Variants in ALLC observed in about 807,000 individuals in gnomAD.
ALLC encodes allantoicase.
Under a neutral mutation model 45.0 loss-of-function variants are expected in ALLC, and 40 were observed. The ratio of observed to expected loss-of-function variants is 0.89; its 90% CI spans 0.69 to 1.16. The LOEUF is 1.16. Ranked by LOEUF, ALLC falls within the 50% of genes most tolerant of loss-of-function variation. The pLI is 0.00. For synonymous variants in ALLC, 176 were observed against 178.1 expected (o/e 0.99, Z 0.09); for missense variants, 488 against 493.1 (o/e 0.99, Z 0.10).
At chr2:3,664,458 T>G (rs10469833) in intron 1 of ALLC, among the ~76,000 whole-genome samples, 8,281 of 152,232 alleles carry the variant, frequency 0.054, 355 homozygotes, top group East Asian at 0.21. Flanking sequence ...AAAGGTATCT[T>G]TACAACTCCT....
chr2:3,660,414 A>G (rs1666543588), intron 1 of ALLC, among the ~76,000 whole-genome samples: 1 of 152,138 alleles, frequency 6.6e-6, no homozygotes, highest in East Asian at 1.9e-4. Flanking sequence ...ACAGCGACAC[A>G]AATAGGCTAA....
At chr2:3,681,738 G>C (rs1226749119) in intron 6 of ALLC, 25 bp downstream of exon 6, 4 of 1,568,324 alleles carry the variant, frequency 2.6e-6, no homozygotes, top group Non-Finnish European at 3.5e-6. Flanking sequence ...AATGAATTGG[G>C]TCTTGTCACC....
At chr2:3,662,387 TTCTTTG>T (rs1377071187) in intron 1 of ALLC, among the ~76,000 whole-genome samples, 1 of 152,150 alleles carries the variant, frequency 6.6e-6, no homozygotes, top group Non-Finnish European at 1.5e-5. Flanking sequence ...CCGCAGGCAG[TTCTTTG>T]TAATTAGCAC....
At chr2:3,677,865 G>A (rs1038914299) in intron 3 of ALLC, among the ~76,000 whole-genome samples, 3 of 152,212 alleles carry the variant, frequency 2.0e-5, no homozygotes, top group Non-Finnish European at 4.4e-5. Flanking sequence ...GAGCATCCAC[G>A]CTATTTGAGG....
rs13426642 is a variant in ALLC at position 3,681,664 on chromosome 2, C to G, written c.329C>G (p.Thr110Ser). ...DKLPEIPERG[T>S]RTGAAATPEE... ...CTACCAGAAATCCCAGAAAGAGGAACCAGGACAGGAGCTGCAGCCACTCCT... is the reference window on the plus strand; with the variant it reads ...CTACCAGAAATCCCAGAAAGAGGAAGCAGGACAGGAGCTGCAGCCACTCCT... The change falls in exon 6 of 12, where the codon ACC (threonine) becomes AGC (serine). Residue 110 changes from threonine (T) to serine (S), a missense_variant. Physicochemically the swap from Thr to Ser is moderately conservative, Grantham distance 58 (BLOSUM62 1). Transcript: ENST00000252505. The G allele has an allele frequency of 6.2e-7, 1 of 1,609,396 alleles. No homozygotes were observed. Among genetic ancestry groups the G allele is most frequent in the Non-Finnish European group, 8.5e-7 (1 of 1,177,550 alleles).
upstream of ALLC, among the ~76,000 whole-genome samples, chr2:3,654,403 C>CT (rs1186014099): frequency 6.6e-6 from 1 of 152,226 alleles, no homozygotes; most frequent in African/African-American, 2.4e-5. Flanking sequence ...TCTGTAAGGC[C>CT]CTGCTGGTTG....
chr2:3,655,889 T>C (rs750102852), upstream of ALLC, among the ~76,000 whole-genome samples: 7 of 151,940 alleles, frequency 4.6e-5, no homozygotes, highest in Non-Finnish European at 8.8e-5. Flanking sequence ...GTGCTTCTGC[T>C]GGAGCCCCTA....
At chr2:3,660,852 G>A (rs1267538977) in intron 1 of ALLC, among the ~76,000 whole-genome samples, 1 of 152,042 alleles carries the variant, frequency 6.6e-6, no homozygotes, top group Non-Finnish European at 1.5e-5. Context: ...CAGGTGATCG[G>A]AATGAGTCAG....
intron 3 of ALLC, among the ~76,000 whole-genome samples, chr2:3,675,387 CAAAA>C (rs11379495): frequency 3.6e-5 from 4 of 109,688 alleles, no homozygotes; most frequent in Admixed American, 2.8e-4. Flanking sequence ...AAGACCCTGT[CAAAA>C]AAAAAAAAAA....
At chr2:3,655,951 G>A (rs1034272190), upstream of ALLC, among the ~76,000 whole-genome samples, 7 of 152,224 alleles carry the variant, frequency 4.6e-5, no homozygotes, top group Admixed American at 1.3e-4. Context: ...TGCCCGCTCC[G>A]GTGGGGGATG....
chr2:3,688,221 G>T, intron 7 of ALLC: 1 of 169,942 alleles, frequency 5.9e-6, no homozygotes. Context: ...CTTTTTGATG[G>T]TGTCATATTT....
intron 7 of ALLC, among the ~76,000 whole-genome samples, chr2:3,685,012 C>T (rs545939431): frequency 7.4e-4 from 112 of 152,244 alleles, no homozygotes; most frequent in Non-Finnish European, 1.2e-3. Context: ...TAAACAGTGT[C>T]ACAGTAAACT....
chr2:3,695,893 C>T (rs1309083140), intron 8 of ALLC, 21 bp downstream of exon 8: 6 of 1,585,264 alleles, frequency 3.8e-6, no homozygotes, highest in Non-Finnish European at 5.1e-6. Flanking sequence ...ATTCTTGGAG[C>T]TGGCTTATTT....
the ALLC span, among the ~76,000 whole-genome samples, chr2:3,647,729 T>C: frequency 6.6e-6 from 1 of 151,630 alleles, no homozygotes; most frequent in East Asian, 1.9e-4. Context: ...TGGGGGTAAC[T>C]CACACATCCT....
chr2:3,648,783 G>A, the ALLC span, among the ~76,000 whole-genome samples: 4 of 152,190 alleles, frequency 2.6e-5, no homozygotes, highest in African/African-American at 4.8e-5. Flanking sequence ...CGCATCACAC[G>A]ACCCGCTGTG....
rs1225750194 is a variant in ALLC at position 3,682,956 on chromosome 2, C to G, written c.393C>G (p.Asp131Glu). The G allele has an allele frequency of 6.2e-7, 1 of 1,612,392 alleles. No homozygotes were observed. The highest frequency in any genetic ancestry group is 1.3e-5 in the African/African-American group (1 of 74,812). Residue 131 changes from aspartate to glutamate, a missense_variant, in exon 7 of 12, where the codon GAC (aspartate) becomes GAG (glutamate). By Grantham distance (45) the Asp-to-Glu change is conservative. Coordinates refer to ENST00000252505, the MANE Select transcript of ALLC (RefSeq NM_018436.4). ...TTTATTGCTAGCTAAAATCCGACGA[C>G]TGGAGTTACTTGGTTCCCATGACTG... ...FEAIAELKSD[D>E]WSYLVPMTEL...
chr2:3,658,476 C>T (rs886108061), intron 1 of ALLC, among the ~76,000 whole-genome samples, 182 bp downstream of exon 1: 9 of 152,112 alleles, frequency 5.9e-5, no homozygotes, highest in Non-Finnish European at 8.8e-5. Flanking sequence ...CGGGCGTGGC[C>T]CAAACACCTG....
upstream of ALLC, among the ~76,000 whole-genome samples, chr2:3,656,137 C>T (rs1282015142): frequency 6.6e-6 from 1 of 152,262 alleles, no homozygotes; most frequent in East Asian, 1.9e-4. Context: ...AGGAGCCCGT[C>T]CAGGCAGCCA....
Position 3,695,704 on chromosome 2 carries a change from C to G in ALLC, c.512-13C>G. On this transcript the variant is annotated splice_polypyrimidine_tract_variant and intron_variant, in intron 7 of 11. Coordinates refer to ENST00000252505, the MANE Select transcript of ALLC (RefSeq NM_018436.4). ...TTTTTACAAACAATAACTAAGGCAC[C>G]TTTCCTTTTCAGATGGTGGAATTGC... The G allele has an allele frequency of 1.2e-6, 2 of 1,613,960 alleles. No individual in the cohort carries two copies. The highest frequency in any genetic ancestry group is 1.7e-6 in the Non-Finnish European group (2 of 1,179,862).
Sources: allele counts gnomAD v4.1 joint callset (sites outside exome capture counted in the v4.1 genomes callset), GRCh38; gene constraint gnomAD v4.1.1; transcripts MANE v1.5; gene names NCBI Gene and HGNC (gene_info 2026-07-23, HGNC 2026-07-21).